PCDHA5: variants seen among roughly 807,000 people sequenced by gnomAD.
PCDHA5 encodes the protein protocadherin alpha 5, also known as protocadherin alpha-5.
A neutral mutation model predicts 61.6 loss-of-function variants in PCDHA5; 43 were observed. That is an observed-to-expected ratio of 0.70 (90% CI 0.55 to 0.90). PCDHA5 has a LOEUF of 0.90. Ranked by LOEUF, PCDHA5 falls within the 40% of genes least tolerant of loss-of-function variation. The pLI is 0.00. For synonymous variants in PCDHA5, 627 were observed against 543.9 expected (o/e 1.15, Z -2.13); for missense variants, 1,298 against 1,222.7 (o/e 1.06, Z -0.92).
In PCDHA5 at chr5:140,888,611, G is replaced by C. The variant is rs1554183538; in HGVS notation, c.2352+64484G>C. Reference sequence around the variant, plus strand: ...CACATTCAGAGCAGCTTTTAGTGTAGCACTAATTCGGCCTTCTATTACAGC... The same window carrying C: ...CACATTCAGAGCAGCTTTTAGTGTACCACTAATTCGGCCTTCTATTACAGC... On this transcript the variant is annotated intron_variant, in intron 1 of 3. Transcript: ENST00000529859. Among the ~76,000 whole-genome samples the C allele has an allele frequency of 2.0e-5, 3 of 152,144 alleles. No homozygotes were observed. In the East Asian group the frequency reaches 5.8e-4, roughly 29 times the overall value.
At chr5:140,955,381 T>TG (rs782287731) in intron 1 of PCDHA5, among the ~76,000 whole-genome samples, 4 of 152,136 alleles carry the variant, frequency 2.6e-5, no homozygotes, top group Non-Finnish European at 5.9e-5. Context: ...AATTGAATCA[T>TG]GGGGGCAATT....
Position 140,978,953 on chromosome 5 carries a change from G to T in PCDHA5, c.2357G>T (p.Arg786Leu), listed in dbSNP as rs781913955. The T allele has an allele frequency of 6.2e-7, 1 of 1,614,048 alleles. No individual in the cohort carries two copies. Among genetic ancestry groups the T allele is most frequent in the Admixed American group, 1.7e-5 (1 of 59,996 alleles). The change falls in exon 2 of 4, where the codon CGA becomes CTA. Residue 786 changes from arginine to leucine, a missense_variant. Physicochemically the swap from Arg to Leu is moderately radical, Grantham distance 102 (BLOSUM62 -2). Coordinates refer to ENST00000529859, the MANE Select transcript of PCDHA5 (RefSeq NM_018908.3). ...ACTCTCTTTGTGATTTTGCAGCCAC[G>T]ACAGCCCAACCCTGACTGGCGTTAC... ...PQGPTSTDNP[R>L]QPNPDWRYSA... is the part of the protein sequence containing the mutation.
At chr5:140,828,619 A>G in intron 1 of PCDHA5, 1 of 1,614,222 alleles carries the variant, frequency 6.2e-7, no homozygotes. Flanking sequence ...GTTCTAGCGA[A>G]TACTTCGGGC....
intron 1 of PCDHA5, among the ~76,000 whole-genome samples, chr5:140,906,616 T>G (rs1339811951): frequency 6.6e-6 from 1 of 152,228 alleles, no homozygotes. Flanking sequence ...GTATTCCCTT[T>G]GCCTTCAGCA....
chr5:140,863,388 C>A (rs2047990567), intron 1 of PCDHA5: 2 of 1,000,024 alleles, frequency 2.0e-6, no homozygotes, highest in African/African-American at 1.6e-5. Context: ...AGAGCTCGTG[C>A]ATGCCGGGCA....
chr5:141,006,507 C>T (rs2098276539), intron 3 of PCDHA5, among the ~76,000 whole-genome samples: 1 of 152,156 alleles, frequency 6.6e-6, no homozygotes, highest in Admixed American at 6.5e-5. Flanking sequence ...GCCACCGCGC[C>T]TGGCTGTTAT....
intron 1 of PCDHA5, chr5:140,866,593 A>T (rs527619239): frequency 4.0e-4 from 61 of 152,276 alleles, no homozygotes; most frequent in African/African-American, 1.4e-3. Context: ...ATGTAATTCT[A>T]ATCTGTTGGT....
At position 141,009,895 on chromosome 5, in the gene PCDHA5, A is replaced by G; in HGVS notation, c.2769A>G (p.Lys923=). ...AGAAGGGTAACAAGACCCAGGAGAA[A>G]AAAGAGAAAGGGAACAGCACGACTG... ...KKKKGNKTQE[K]KEKGNSTTDN... The change falls in exon 4 of 4, where the codon AAA becomes AAG. Residue 923 remains lysine (K), a synonymous_variant. Coordinates refer to ENST00000529859, the MANE Select transcript of PCDHA5 (RefSeq NM_018908.3). 2 of 1,613,224 alleles carry G rather than the reference A, an allele frequency of 1.2e-6. No homozygotes were observed. Among genetic ancestry groups the G allele is most frequent in the Non-Finnish European group, 1.7e-6 (2 of 1,179,866 alleles).
At chr5:140,829,936 A>G in intron 1 of PCDHA5, 2 of 1,613,968 alleles carry the variant, frequency 1.2e-6, no homozygotes, top group Non-Finnish European at 1.7e-6. Context: ...AGCCCCCGGC[A>G]AGCAGCGCTC....
At chr5:141,004,445 T>C (rs2098166676) in intron 3 of PCDHA5, among the ~76,000 whole-genome samples, 1 of 152,206 alleles carries the variant, frequency 6.6e-6, no homozygotes. Flanking sequence ...CTGAGTCATA[T>C]AGAACCAGGA....
intron 1 of PCDHA5, among the ~76,000 whole-genome samples, chr5:140,891,720 T>C (rs1159192046): frequency 2.0e-5 from 3 of 152,170 alleles, no homozygotes; most frequent in African/African-American, 4.8e-5. Context: ...CCCAAATTCA[T>C]GTGTTGAAAA....
intron 1 of PCDHA5, among the ~76,000 whole-genome samples, chr5:140,939,880 G>T (rs2092484713): frequency 6.6e-6 from 1 of 152,140 alleles, no homozygotes; most frequent in African/African-American, 2.4e-5. Context: ...TTTGCTAGTT[G>T]TGTTGTTCAA....
chr5:140,884,651 T>G (rs2153405863), intron 1 of PCDHA5: 2 of 1,604,404 alleles, frequency 1.2e-6, no homozygotes, highest in Non-Finnish European at 1.7e-6. Flanking sequence ...GGACTCAGAA[T>G]GCTTGAAAGA....
At chr5:140,885,981 G>A (rs536900560) in intron 1 of PCDHA5, among the ~76,000 whole-genome samples, 44 of 151,942 alleles carry the variant, frequency 2.9e-4, no homozygotes, top group African/African-American at 8.4e-4. Context: ...TTATAGATTC[G>A]CATGTGGTTG....
At chr5:140,827,803 C>G (rs1054695243) in intron 1 of PCDHA5, among the ~76,000 whole-genome samples, 2 of 152,100 alleles carry the variant, frequency 1.3e-5, no homozygotes, top group Admixed American at 6.5e-5. Context: ...AAATTACAAA[C>G]GTGAGGAGGG....
chr5:140,858,889 AT>A (rs2045644235), intron 1 of PCDHA5: 2 of 236,178 alleles, frequency 8.5e-6, no homozygotes, highest in African/African-American at 2.4e-5. Context: ...CATGTGTAGA[AT>A]ATGTGTAGCG....
intron 1 of PCDHA5, among the ~76,000 whole-genome samples, chr5:140,897,068 T>A (rs2153455202): frequency 6.6e-6 from 1 of 152,252 alleles, no homozygotes; most frequent in East Asian, 1.9e-4. Context: ...CTATGTCTTA[T>A]TCATTTTTTC....
chr5:140,919,982 G>A (rs2079388824), intron 1 of PCDHA5, among the ~76,000 whole-genome samples: 2 of 151,998 alleles, frequency 1.3e-5, no homozygotes, highest in Admixed American at 6.5e-5. Context: ...GATAGAAGAT[G>A]GAAAACAGAC....
rs1234453098 is a variant in PCDHA5, at chr5:141,010,058, C to A, written c.*121C>A. 2 of 1,600,982 alleles carry A rather than the reference C, an allele frequency of 1.2e-6. No homozygotes were observed. The highest frequency in any genetic ancestry group is 1.7e-6 in the Non-Finnish European group (2 of 1,173,736). Reference sequence around the variant, plus strand: ...GAGCCCTCTTAGAGACCTCAGAAATCTGCAGAAAGTTCCCTGTGTCTGTCT... The same window carrying A: ...GAGCCCTCTTAGAGACCTCAGAAATATGCAGAAAGTTCCCTGTGTCTGTCT... On this transcript the variant is annotated 3_prime_UTR_variant, in exon 4 of 4. Transcript: ENST00000529859.
Sources: allele counts gnomAD v4.1 joint callset (sites outside exome capture counted in the v4.1 genomes callset), GRCh38; gene constraint gnomAD v4.1.1; transcripts MANE v1.5; gene names NCBI Gene and HGNC (gene_info 2026-07-23, HGNC 2026-07-21).